ERBB4: variants seen among roughly 807,000 people sequenced by gnomAD.
The protein encoded by ERBB4 is receptor tyrosine-protein kinase erbB-4.
Under a neutral mutation model 158.0 loss-of-function variants are expected in ERBB4, and 42 were observed. The observed-to-expected ratio is 0.27, with a 90% confidence interval of 0.21 to 0.34. ERBB4 has a LOEUF of 0.34. Ranked by LOEUF, ERBB4 falls within the 10% of genes least tolerant of loss-of-function variation. ERBB4 has a pLI of 1.00. For synonymous variants in ERBB4, 583 were observed against 558.7 expected, an observed-to-expected ratio of 1.04 and a Z score of -0.61; for missense variants, 1,333 against 1,624.1, an observed-to-expected ratio of 0.82 and a Z score of 3.08.
At chr2:211,571,556 G>A (rs753566851) in intron 19 of ERBB4, among the ~76,000 whole-genome samples, 9 of 152,190 alleles carry the variant, frequency 5.9e-5, no homozygotes, top group Non-Finnish European at 1.2e-4. Flanking sequence ...TGTCATTTCT[G>A]AGCAGAAACT....
intron 2 of ERBB4, among the ~76,000 whole-genome samples, chr2:212,114,469 T>C (rs1278904526): frequency 6.6e-6 from 1 of 152,232 alleles, no homozygotes; most frequent in South Asian, 2.1e-4. Context: ...CAAAGCTTAT[T>C]GGTAGGGACC....
intron 4 of ERBB4, among the ~76,000 whole-genome samples, chr2:211,751,777 C>G (rs2075137192): frequency 6.6e-6 from 1 of 152,172 alleles, no homozygotes; most frequent in Non-Finnish European, 1.5e-5. Context: ...TCCAGTGAAA[C>G]TGCCAAAGTG....
chr2:211,617,131 G>A (rs967386346), intron 19 of ERBB4, among the ~76,000 whole-genome samples: 2 of 151,948 alleles, frequency 1.3e-5, no homozygotes, highest in African/African-American at 4.8e-5. Flanking sequence ...TGATTATTTT[G>A]TAGGCTCTTA....
At chr2:212,300,302 A>G (rs1291628645) in intron 1 of ERBB4, among the ~76,000 whole-genome samples, 1 of 151,602 alleles carries the variant, frequency 6.6e-6, no homozygotes, top group Non-Finnish European at 1.5e-5. Flanking sequence ...TGTGTGACCC[A>G]TATTCACATG....
At chr2:211,982,315 T>C (rs1244186385) in intron 2 of ERBB4, among the ~76,000 whole-genome samples, 1 of 152,104 alleles carries the variant, frequency 6.6e-6, no homozygotes, top group Non-Finnish European at 1.5e-5. Flanking sequence ...CAAAGGAAGT[T>C]CTAAGTGAGT....
chr2:212,513,709 G>A (rs1487825663), intron 1 of ERBB4, among the ~76,000 whole-genome samples: 1 of 152,184 alleles, frequency 6.6e-6, no homozygotes, highest in Non-Finnish European at 1.5e-5. Context: ...TACTCCGGGA[G>A]GCTGAGGCAG....
intron 1 of ERBB4, among the ~76,000 whole-genome samples, chr2:212,531,970 G>A (rs532153502): frequency 3.3e-5 from 5 of 152,236 alleles, no homozygotes; most frequent in African/African-American, 1.2e-4. Context: ...ATGATCATGA[G>A]GATCCCACTG....
At chr2:212,371,642 T>A (rs2090089652) in intron 1 of ERBB4, among the ~76,000 whole-genome samples, 1 of 152,214 alleles carries the variant, frequency 6.6e-6, no homozygotes. Context: ...TGCTTACCAC[T>A]GCCAGATGGT....
chr2:212,321,980 A>G (rs761360099), intron 1 of ERBB4, among the ~76,000 whole-genome samples: 1 of 150,362 alleles, frequency 6.7e-6, no homozygotes, highest in Non-Finnish European at 1.5e-5. Flanking sequence ...TATAATTAAT[A>G]GAGAATAATA....
intron 3 of ERBB4, among the ~76,000 whole-genome samples, chr2:211,806,862 A>C (rs2105904143): frequency 6.6e-6 from 1 of 152,276 alleles, no homozygotes; most frequent in Non-Finnish European, 1.5e-5. Flanking sequence ...CAATAATGTA[A>C]GTATAATGCA....
chr2:211,528,929 A>G (rs1341091110), intron 20 of ERBB4, among the ~76,000 whole-genome samples: 1 of 152,032 alleles, frequency 6.6e-6, no homozygotes, highest in African/African-American at 2.4e-5. Flanking sequence ...AAATAACCTA[A>G]TGATGCATTT....
chr2:211,500,434 C>A (rs1248249866), intron 20 of ERBB4, among the ~76,000 whole-genome samples: 1 of 152,094 alleles, frequency 6.6e-6, no homozygotes, highest in Non-Finnish European at 1.5e-5. Flanking sequence ...TTAGTTGCCA[C>A]AGTCAAGATA....
At chr2:212,249,554 C>T (rs576004027) in intron 1 of ERBB4, among the ~76,000 whole-genome samples, 55 of 151,850 alleles carry the variant, frequency 3.6e-4, no homozygotes, top group Non-Finnish European at 5.9e-4. Flanking sequence ...ACTAAACTGA[C>T]GACATTGCAA....
chr2:212,127,523 T>C (rs949470759), intron 1 of ERBB4, among the ~76,000 whole-genome samples: 5 of 151,766 alleles, frequency 3.3e-5, no homozygotes, highest in South Asian at 2.1e-4. Context: ...ACCCGGGAGG[T>C]GGAGCTTGCC....
intron 1 of ERBB4, among the ~76,000 whole-genome samples, chr2:212,518,450 T>G (rs1691961350): frequency 6.6e-6 from 1 of 152,062 alleles, no homozygotes; most frequent in Non-Finnish European, 1.5e-5. Flanking sequence ...TAACTGAACA[T>G]TTAATAACGT....
intron 3 of ERBB4, among the ~76,000 whole-genome samples, chr2:211,921,150 A>C (rs1302470084): frequency 6.6e-6 from 1 of 152,024 alleles, no homozygotes; most frequent in East Asian, 1.9e-4. Flanking sequence ...ATCACTTCTT[A>C]CTACAAATTA....
At chr2:211,963,399 C>T (rs936379710) in intron 2 of ERBB4, among the ~76,000 whole-genome samples, 2 of 151,968 alleles carry the variant, frequency 1.3e-5, no homozygotes, top group Admixed American at 6.6e-5. Context: ...TGTAGAGTTG[C>T]CTTAGTGGTT....
intron 17 of ERBB4, among the ~76,000 whole-genome samples, chr2:211,625,829 G>A (rs1434350879): frequency 6.6e-6 from 1 of 152,122 alleles, no homozygotes; most frequent in Non-Finnish European, 1.5e-5. Flanking sequence ...CATTTTGGGT[G>A]AGATATACAT....
intron 1 of ERBB4, among the ~76,000 whole-genome samples, chr2:212,240,665 A>AAAAAAC (rs1559823350): frequency 2.1e-5 from 3 of 145,796 alleles, no homozygotes; most frequent in African/African-American, 7.9e-5. Context: ...AAAAAAAAAA[A>AAAAAAC]AACAGAAAAA....
Sources: allele counts gnomAD v4.1 joint callset (sites outside exome capture counted in the v4.1 genomes callset), GRCh38; gene constraint gnomAD v4.1.1; transcripts MANE v1.5; gene names NCBI Gene and HGNC (gene_info 2026-07-23, HGNC 2026-07-21).